The following NPHP4 variants were observed in gnomAD, a reference collection of about 807,000 sequenced individuals.
NPHP4 encodes the protein nephrocystin 4.
In NPHP4, 151 loss-of-function variants were observed where a neutral mutation model predicts 155.8. The ratio of observed to expected loss-of-function variants is 0.97; its 90% CI spans 0.85 to 1.11. The LOEUF is 1.11. NPHP4 is among the 50% of genes least tolerant of loss of function. The pLI is 0.00. For missense variants in NPHP4, 1,956 were observed against 1,925.7 expected (o/e 1.02, Z -0.29); for synonymous variants, 845 against 816.8 (o/e 1.03, Z -0.59).
intron 3 of NPHP4, among the ~76,000 whole-genome samples, chr1:5,970,652 C>T (rs571274795): frequency 6.6e-6 from 1 of 152,092 alleles, no homozygotes; most frequent in Non-Finnish European, 1.5e-5. Context: ...GGGCAAAGCA[C>T]AGGTCACCAG....
At chr1:5,864,267 A>C (rs1640954868) in intron 28 of NPHP4, 71 bp downstream of exon 28, 2 of 1,427,272 alleles carry the variant, frequency 1.4e-6, no homozygotes, top group Non-Finnish European at 9.5e-7. Flanking sequence ...CACAGGGCCG[A>C]GGTGGGGGTC....
At chr1:5,964,575 C>G (rs1650991200) in intron 5 of NPHP4, among the ~76,000 whole-genome samples, 2 of 152,104 alleles carry the variant, frequency 1.3e-5, no homozygotes, top group South Asian at 4.1e-4. Context: ...GCCTGGAGTC[C>G]CACCCTCCCG....
intron 9 of NPHP4, among the ~76,000 whole-genome samples, chr1:5,942,187 G>A (rs1265241715): frequency 6.6e-6 from 1 of 152,074 alleles, no homozygotes; most frequent in African/African-American, 2.4e-5. Flanking sequence ...CTCCAACTAT[G>A]AGGAAGCATC....
intron 3 of NPHP4, among the ~76,000 whole-genome samples, chr1:5,974,527 AAG>A (rs1277498408): frequency 1.3e-5 from 2 of 152,072 alleles, no homozygotes; most frequent in Non-Finnish European, 2.9e-5. Context: ...ACTTTTTTAG[AAG>A]TTGAATGAAT....
At chr1:5,912,936 G>A (rs752974361) in intron 11 of NPHP4, among the ~76,000 whole-genome samples, 1 of 152,126 alleles carries the variant, frequency 6.6e-6, no homozygotes, top group African/African-American at 2.4e-5. Context: ...ATAACCTGGC[G>A]TTAAGAAGAA....
chr1:5,864,701 C>G (rs1641022698), intron 27 of NPHP4, 184 bp from the exon 28 acceptor site: 2 of 560,618 alleles, frequency 3.6e-6, no homozygotes, highest in African/African-American at 3.7e-5. Context: ...CCACACCAGG[C>G]AAGTCCCTCC....
chr1:5,873,225 T>C (rs1444897979), intron 23 of NPHP4, 27 bp downstream of exon 23: 1 of 1,583,390 alleles, frequency 6.3e-7, no homozygotes, highest in East Asian at 2.2e-5. Context: ...AGCCCCGAGA[T>C]CAGTTTGTCC....
chr1:5,875,951 C>T (rs1470987186), intron 20 of NPHP4: 1 of 152,310 alleles, frequency 6.6e-6, no homozygotes, highest in Non-Finnish European at 1.5e-5. Flanking sequence ...TTTGGACATT[C>T]ACTTTCCAAC....
At chr1:5,978,451 G>C (rs1445023137) in intron 2 of NPHP4, 38 bp from the exon 3 acceptor site, 3 of 1,579,346 alleles carry the variant, frequency 1.9e-6, no homozygotes, top group Non-Finnish European at 2.6e-6. Flanking sequence ...AAGAGTCTGA[G>C]CACCATGAGC....
chr1:5,895,933 T>C (rs12134240), intron 16 of NPHP4, among the ~76,000 whole-genome samples: 19,449 of 151,500 alleles, frequency 0.13, 1,455 homozygotes, highest in Non-Finnish European at 0.17. Context: ...GTGACGTCTG[T>C]GCAGCCCACA....
chr1:5,991,282 A>G (rs1656237720), intron 1 of NPHP4, among the ~76,000 whole-genome samples: 1 of 151,184 alleles, frequency 6.6e-6, no homozygotes, highest in Non-Finnish European at 1.5e-5. Context: ...CGCTACCCCC[A>G]TAGAATGTAA....
rs1644880136 is a variant in NPHP4 at position 5,905,658 on chromosome 1, A to G, written c.1737T>C (p.Pro579=). ...QELPFTPLHA[P]IVVGTQTRSS... is the part of the protein sequence containing the mutation. Reference sequence around the variant, plus strand: ...TCCTGGTCTGGGTTCCCACAACAATAGGGGCATGCAAAGGCGTGAACGGCA... The same window carrying G: ...TCCTGGTCTGGGTTCCCACAACAATGGGGGCATGCAAAGGCGTGAACGGCA... Residue 579 remains proline, a synonymous_variant, in exon 14 of 30, where the codon CCT becomes CCC. Transcript: ENST00000378156. This position sits in a 1 kb window ranked among gnomAD's most constrained non-coding sequence, Gnocchi z 4.0. 5 of 1,613,860 alleles carry G rather than the reference A, an allele frequency of 3.1e-6. No individual in the cohort carries two copies. Among genetic ancestry groups the G allele is most frequent in the Non-Finnish European group, 3.4e-6 (4 of 1,179,854 alleles).
Position 5,866,960 on chromosome 1 carries a change from T to C in NPHP4, c.3558+70A>G, listed in dbSNP as rs1641295189. 11 of 1,183,210 alleles carry C rather than the reference T, an allele frequency of 9.3e-6. No homozygotes were observed. In the South Asian group the frequency reaches 1.2e-4, roughly 12 times the overall value. 73.3% of individuals were successfully genotyped at this position (1,183,210 alleles called of 1,614,324 possible). On this transcript the variant is annotated intron_variant, in intron 25 of 29. Transcript: ENST00000378156. ...AATGAAGAGGATCCCAGGATACCCGTGGGGAAGCCGACAGGGGCGCAGACT... is the reference window on the plus strand; with the variant it reads ...AATGAAGAGGATCCCAGGATACCCGCGGGGAAGCCGACAGGGGCGCAGACT...
intron 9 of NPHP4, among the ~76,000 whole-genome samples, chr1:5,945,465 C>T (rs764514048): frequency 9.2e-5 from 14 of 152,188 alleles, no homozygotes; most frequent in South Asian, 2.1e-4. Flanking sequence ...GTCCACAGAA[C>T]GCTTGGCACT....
At position 5,890,985 on chromosome 1, in the gene NPHP4, G is replaced by A. The variant is rs767577297; in HGVS notation, c.2187C>T (p.Phe729=). 7.6e-6 allele frequency: 12 copies of A among 1,584,090 alleles called. No homozygotes were observed. The African/African-American group carries it at 9.4e-5, about 12-fold the overall frequency. The change falls in exon 17 of 30, where the codon TTC becomes TTT. Residue 729 remains phenylalanine (F), a synonymous_variant. Coordinates refer to ENST00000378156, the MANE Select transcript of NPHP4 (RefSeq NM_015102.5). The surrounding 1 kb of genome is among the most constrained non-coding windows in gnomAD (Gnocchi z 4.9). ...AGCAGCGCCGCTCACCTGGCTTCAG[G>A]AACCCAGGGCCCACCATGTACCTCA... ...FQLRYMVGPG[F]LKPGERRCFA... is the part of the protein sequence containing the mutation.
At chr1:5,939,331 C>G (rs776403145) in intron 9 of NPHP4, among the ~76,000 whole-genome samples, 1 of 152,252 alleles carries the variant, frequency 6.6e-6, no homozygotes, top group South Asian at 2.1e-4. Context: ...CAAGCATCAA[C>G]TTGACAATGA....
chr1:5,880,047 G>T, intron 19 of NPHP4, 67 bp downstream of exon 19: 2 of 1,550,398 alleles, frequency 1.3e-6, no homozygotes, highest in Non-Finnish European at 8.9e-7. Context: ...ACACACACAC[G>T]CAGTCTTCCA....
intron 9 of NPHP4, among the ~76,000 whole-genome samples, chr1:5,936,496 G>A (rs755702919): frequency 1.3e-5 from 2 of 151,882 alleles, no homozygotes; most frequent in African/African-American, 4.8e-5. Flanking sequence ...TGCCCAACTT[G>A]GGTTTGAATT....
At chr1:5,964,939 A>ATTTTTTTTTTTTTT (rs1232148646) in intron 5 of NPHP4, among the ~76,000 whole-genome samples, 14 of 62,700 alleles carry the variant, frequency 2.2e-4, no homozygotes, top group African/African-American at 4.6e-4. Context: ...ATATATATAT[A>ATTTTTTTTTTTTTT]TATTTTTTTT....
Sources: gnomAD v4.1 joint callset for allele counts (sites outside exome capture counted in the v4.1 genomes callset) on GRCh38, gnomAD v4.1.1 for gene constraint, Gnocchi (gnomAD v3.1) non-coding constraint, MANE v1.5 for transcripts, NCBI Gene and HGNC (gene_info 2026-07-23, HGNC 2026-07-21) for gene names.